GLRA2: variants seen among roughly 807,000 people sequenced by gnomAD.
GLRA2 encodes the protein glycine receptor alpha 2, also known as glycine receptor subunit alpha-2.
In GLRA2, 11 loss-of-function variants were observed where a neutral mutation model predicts 31.6. The ratio of observed to expected loss-of-function variants is 0.35; its 90% CI spans 0.22 to 0.58. The LOEUF (loss-of-function observed/expected upper bound fraction) is 0.58. Ranked by LOEUF, GLRA2 falls within the 20% of genes least tolerant of loss-of-function variation. The pLI is 0.84. For synonymous variants in GLRA2, 132 were observed against 134.0 expected (o/e 0.99, Z 0.10); for missense variants, 212 against 351.8 (o/e 0.60, Z 3.18).
intron 2 of GLRA2, among the ~76,000 whole-genome samples, chrX:14,544,548 C>A (rs1327365404): frequency 3.6e-5 from 4 of 111,462 alleles, no homozygotes; most frequent in Non-Finnish European, 7.6e-5. Flanking sequence ...TACCAAAAAT[C>A]TCATTTAAAA....
At chrX:14,707,148 C>T (rs1230533312) in intron 8 of GLRA2, among the ~76,000 whole-genome samples, 2 of 111,729 alleles carry the variant, frequency 1.8e-5, no homozygotes, top group Non-Finnish European at 3.8e-5. Context: ...AATTCCCGTC[C>T]TCTTAATAAC....
intron 3 of GLRA2, among the ~76,000 whole-genome samples, chrX:14,579,222 T>A (rs2089989299): frequency 8.9e-6 from 1 of 112,299 alleles, no homozygotes; most frequent in African/African-American, 3.2e-5. Flanking sequence ...CCTTTCATTC[T>A]ATAGCTGCGT....
At chrX:14,451,057 T>C in the GLRA2 span, among the ~76,000 whole-genome samples, 1 of 111,369 alleles carries the variant, frequency 9.0e-6, no homozygotes, top group African/African-American at 3.3e-5. Flanking sequence ...CCTGCCAAAC[T>C]TAGCTTCATA....
chrX:14,504,450 G>A, the GLRA2 span, among the ~76,000 whole-genome samples: 1 of 111,042 alleles, frequency 9.0e-6, no homozygotes, highest in African/African-American at 3.3e-5. Flanking sequence ...GAACCTGTCT[G>A]GGATTCTGAA....
At chrX:14,484,141 C>T in the GLRA2 span, among the ~76,000 whole-genome samples, 1 of 111,485 alleles carries the variant, frequency 9.0e-6, no homozygotes, top group Non-Finnish European at 1.9e-5. Context: ...TATATATATT[C>T]CATTAGTTCT....
At chrX:14,560,663 A>G (rs1368042871) in intron 2 of GLRA2, among the ~76,000 whole-genome samples, 1 of 109,221 alleles carries the variant, frequency 9.2e-6, no homozygotes, top group Non-Finnish European at 1.9e-5. Flanking sequence ...ATACAAATTT[A>G]AAAATTAGCT....
chrX:14,617,720 G>T (rs1487878501), intron 7 of GLRA2, among the ~76,000 whole-genome samples: 2 of 111,867 alleles, frequency 1.8e-5, no homozygotes, highest in Admixed American at 9.5e-5. Context: ...AGGGTGTCCA[G>T]CCACTGCCAT....
chrX:14,647,859 A>G (rs2090847294), intron 7 of GLRA2, among the ~76,000 whole-genome samples: 1 of 112,302 alleles, frequency 8.9e-6, no homozygotes, highest in African/African-American at 3.2e-5. Flanking sequence ...GCATAGATGA[A>G]GAAAAATGAA....
chrX:14,630,784 G>A (rs1403023899), intron 7 of GLRA2, among the ~76,000 whole-genome samples: 7 of 103,913 alleles, frequency 6.7e-5, no homozygotes, highest in African/African-American at 2.5e-4. Context: ...TTTGTCGTCT[G>A]GTGAAGGTTT....
intron 4 of GLRA2, among the ~76,000 whole-genome samples, chrX:14,600,750 T>C (rs2090260446): frequency 9.0e-6 from 1 of 111,332 alleles, no homozygotes; most frequent in Admixed American, 9.6e-5. Flanking sequence ...TTTACTATTT[T>C]CACCAAGCTA....
chrX:14,530,046 A>C lies in GLRA2; in HGVS notation c.-12A>C, dbSNP rs765103111. 1.7e-6 allele frequency: 2 copies of C among 1,181,343 alleles called. No homozygotes were observed. Among genetic ancestry groups the C allele is most frequent in the South Asian group, 3.6e-5 (2 of 56,337 alleles). ...TTTCGGGATATTTTCCACAAGCAACACAGAAACAGGAATGAACCGGCAGCT... is the reference window on the plus strand; with the variant it reads ...TTTCGGGATATTTTCCACAAGCAACCCAGAAACAGGAATGAACCGGCAGCT... On this transcript the variant is annotated 5_prime_UTR_variant, in exon 1 of 9. Coordinates refer to ENST00000218075, the MANE Select transcript of GLRA2 (RefSeq NM_002063.4).
At chrX:14,630,132 C>T (rs954241257) in intron 7 of GLRA2, among the ~76,000 whole-genome samples, 2 of 111,607 alleles carry the variant, frequency 1.8e-5, no homozygotes, top group Non-Finnish European at 3.8e-5. Context: ...TACAAGTTTG[C>T]TGGCTGTAAA....
chrX:14,541,172 A>C (rs1212236379), intron 2 of GLRA2, among the ~76,000 whole-genome samples: 5 of 111,677 alleles, frequency 4.5e-5, no homozygotes, highest in Non-Finnish European at 9.4e-5. Flanking sequence ...TTTAATGCCA[A>C]GTCTCTCTGG....
chrX:14,648,326 T>C (rs1245052865), intron 7 of GLRA2, among the ~76,000 whole-genome samples: 2 of 111,591 alleles, frequency 1.8e-5, no homozygotes, highest in Non-Finnish European at 3.8e-5. Context: ...TACAGAGGGT[T>C]TGATGAACTC....
chrX:14,683,666 C>T (rs906694556), intron 7 of GLRA2, among the ~76,000 whole-genome samples: 2 of 111,264 alleles, frequency 1.8e-5, no homozygotes, highest in Non-Finnish European at 3.8e-5. Flanking sequence ...CTTCTAGGGT[C>T]TTTATGGTTT....
the GLRA2 span, among the ~76,000 whole-genome samples, chrX:14,460,803 A>G: frequency 7.2e-5 from 8 of 110,727 alleles, no homozygotes; most frequent in Admixed American, 9.7e-5. Context: ...TTTTCCAAAA[A>G]CCAGCTCCTG....
At chrX:14,518,146 T>C in the GLRA2 span, among the ~76,000 whole-genome samples, 7 of 111,745 alleles carry the variant, frequency 6.3e-5, no homozygotes, top group South Asian at 2.2e-3. Context: ...TACACCAAAA[T>C]CACAGTGAGA....
At chrX:14,515,542 T>A in the GLRA2 span, among the ~76,000 whole-genome samples, 5 of 112,145 alleles carry the variant, frequency 4.5e-5, no homozygotes, top group Non-Finnish European at 7.5e-5. Context: ...AACTTCTCTT[T>A]GATGTTTCCA....
chrX:14,630,503 G>GA (rs2090633006), intron 7 of GLRA2, among the ~76,000 whole-genome samples: 1 of 111,452 alleles, frequency 9.0e-6, no homozygotes, highest in Non-Finnish European at 1.9e-5. Flanking sequence ...ATCAAATTTG[G>GA]AAAAAATGTA....
Sources: allele counts gnomAD v4.1 joint callset (sites outside exome capture counted in the v4.1 genomes callset), GRCh38; gene constraint gnomAD v4.1.1; transcripts MANE v1.5; gene names NCBI Gene and HGNC (gene_info 2026-07-23, HGNC 2026-07-21).